GP6: variants seen among roughly 807,000 people sequenced by gnomAD.
GP6 encodes platelet glycoprotein VI.
In GP6, 45 loss-of-function variants were observed where a neutral mutation model predicts 37.3. The observed-to-expected ratio is 1.21, with a 90% CI of 0.95 to 1.55. The LOEUF (loss-of-function observed/expected upper bound fraction) is 1.55, where lower values mean the gene tolerates loss of function less well. Among genes scored for constraint, GP6 ranks in the 40% most tolerant of loss-of-function variants. The pLI, the probability that GP6 is intolerant of heterozygous loss-of-function variation, is 0.00. For synonymous variants in GP6, 340 were observed against 316.4 expected, an observed-to-expected ratio of 1.07 and a Z score of -0.79; for missense variants, 813 against 760.2, an observed-to-expected ratio of 1.07 and a Z score of -0.82.
rs369642453 is a variant in GP6, at chr19:55,032,514, G to T, written c.59C>A (p.Ala20Glu). The change falls in exon 2 of 8, where the codon GCG becomes GAG. Residue 20 changes from alanine to glutamate, a missense_variant. Physicochemically the swap from Ala to Glu is moderately radical, Grantham distance 107. Coordinates refer to ENST00000310373, the MANE Select transcript of GP6 (RefSeq NM_001083899.2). ...TCTGGGGAAGGACTCACCACTCTGC[G>T]CTGGCACACGCCCCAGACACAGCCC... The T allele has an allele frequency of 6.2e-7, 1 of 1,613,878 alleles. No homozygotes were observed. The highest frequency in any genetic ancestry group is 2.2e-5 in the East Asian group (1 of 44,882).
chr19:55,030,590 A>G (rs1405935783), intron 3 of GP6, among the ~76,000 whole-genome samples: 1 of 151,094 alleles, frequency 6.6e-6, no homozygotes, highest in Non-Finnish European at 1.5e-5. Flanking sequence ...TGATCCACCC[A>G]CCTCAGCCTC....
chr19:55,019,391 C>T (rs2073994672), intron 5 of GP6, among the ~76,000 whole-genome samples: 1 of 152,010 alleles, frequency 6.6e-6, no homozygotes, highest in Admixed American at 6.6e-5. Context: ...TTACAGGCTG[C>T]GCCTGGCCAC....
intron 1 of GP6, among the ~76,000 whole-genome samples, chr19:55,033,302 CGTGTT>C (rs1306660648): frequency 1.2e-5 from 1 of 85,172 alleles, no homozygotes; most frequent in Non-Finnish European, 2.2e-5. Context: ...TGGACTCGTT[CGTGTT>C]GTGTTAGACA....
intron 6 of GP6, among the ~76,000 whole-genome samples, chr19:55,017,070 T>C (rs2073903154): frequency 6.6e-6 from 1 of 151,370 alleles, no homozygotes; most frequent in Admixed American, 6.6e-5. Flanking sequence ...CATAAGACAT[T>C]GTCCATCTGC....
intron 4 of GP6, among the ~76,000 whole-genome samples, chr19:55,026,000 C>CAA (rs869194721): frequency 2.4e-3 from 42 of 17,804 alleles, no homozygotes; most frequent in East Asian, 5.6e-3. Context: ...AGACTCCCCC[C>CAA]AAAAAAAAAA....
At chr19:55,017,252 A>G (rs2073911361) in intron 6 of GP6, among the ~76,000 whole-genome samples, 1 of 151,776 alleles carries the variant, frequency 6.6e-6, no homozygotes, top group South Asian at 2.1e-4. Context: ...AAGTAGCTGG[A>G]ATTACAGGTG....
intron 3 of GP6, among the ~76,000 whole-genome samples, chr19:55,029,881 A>G (rs951016395): frequency 1.3e-5 from 2 of 151,878 alleles, no homozygotes; most frequent in Non-Finnish European, 2.9e-5. Flanking sequence ...GAGGCCAGTG[A>G]TGCTGTGGAG....
At chr19:55,017,479 C>G (rs1370165231) in intron 6 of GP6, among the ~76,000 whole-genome samples, 1 of 152,040 alleles carries the variant, frequency 6.6e-6, no homozygotes, top group Non-Finnish European at 1.5e-5. Flanking sequence ...ATCGATCCAG[C>G]CTGGACGGTC....
intron 1 of GP6, among the ~76,000 whole-genome samples, chr19:55,033,409 G>GGGCTCGTTCGTGTTGTGTTAGACACGGTT (rs2074684743): frequency 1.4e-4 from 18 of 126,238 alleles, no homozygotes; most frequent in East Asian, 4.8e-4. Flanking sequence ...TAGACACGGT[G>GGGCTCGTTCGTGTTGTGTTAGACACGGTT]GGCTCGTTCG....
At chr19:55,024,291 T>TGCACGCACGCACACACACAC (rs879694712) in intron 5 of GP6, among the ~76,000 whole-genome samples, 2 of 113,350 alleles carry the variant, frequency 1.8e-5, no homozygotes, top group Non-Finnish European at 4.0e-5. Flanking sequence ...CACACACATA[T>TGCACGCACGCACACACACAC]GCACGCATGC....
intron 1 of GP6, among the ~76,000 whole-genome samples, chr19:55,033,283 TAGACACG>T (rs2074672832): frequency 1.0e-5 from 1 of 99,816 alleles, no homozygotes; most frequent in Non-Finnish European, 2.1e-5. Flanking sequence ...TCGTTCGTGT[TAGACACG>T]GTGGACTCGT....
At position 55,035,485 on chromosome 19, in the gene GP6, G is replaced by A. The variant is rs543776477; in HGVS notation, c.34+2718C>T. ...CTGTAATCCCATTTTGGGAGGCCAA[G>A]GTGGGCGGATCACCTGAAGTCAGGA... is the stretch of plus-strand genomic sequence containing the variant. On this transcript the variant is annotated intron_variant, in intron 1 of 7. Transcript: ENST00000310373. Among the ~76,000 whole-genome samples the A allele has an allele frequency of 1.2e-3, 183 of 152,340 alleles. 1 individual carries two copies. The highest frequency in any genetic ancestry group is 4.3e-3 in the African/African-American group (178 of 41,580).
chr19:55,023,865 A>G (rs1322105030), intron 5 of GP6, among the ~76,000 whole-genome samples: 1 of 152,190 alleles, frequency 6.6e-6, no homozygotes, highest in African/African-American at 2.4e-5. Flanking sequence ...GATCCCATTT[A>G]CATCAGATTC....
rs1415721288 is a variant in GP6 at position 55,027,904 on chromosome 19, C to A, written c.326-42G>T. On this transcript the variant is annotated intron_variant, in intron 3 of 7. Transcript: ENST00000310373. Reference sequence around the variant, plus strand: ...GTCTGATGTTGAAGGCAGGAGCCAGCATCTCAGCTGAGACTGGGGAGGTCC... The same window carrying A: ...GTCTGATGTTGAAGGCAGGAGCCAGAATCTCAGCTGAGACTGGGGAGGTCC... 1.9e-6 allele frequency: 3 copies of A among 1,604,142 alleles called. No individual in the cohort carries two copies. In the East Asian group the frequency reaches 6.7e-5, roughly 36 times the overall value.
chr19:55,014,575 A>AT lies in GP6; in HGVS notation c.1369_1370insA (p.Phe457TyrfsTer7), dbSNP rs1264284987. On this transcript the variant is annotated frameshift_variant, in exon 8 of 8. Coordinates refer to ENST00000310373, the MANE Select transcript of GP6 (RefSeq NM_001083899.2). LOFTEE classifies it low-confidence loss of function (END_TRUNC). The stretch of plus-strand genomic sequence containing the variant: ...AACAGAGTCAACCCTGAGAGCTGGG[A>AT]ACCTTAGAGATCCGTCTGGAGCCCA... 1 of 1,613,412 alleles carries AT rather than the reference A, an allele frequency of 6.2e-7. No individual in the cohort carries two copies. Among genetic ancestry groups the AT allele is most frequent in the East Asian group, 2.2e-5 (1 of 44,868 alleles).
rs1169741868 is a variant in GP6 at position 55,029,489 on chromosome 19, C to G, written c.326-1627G>C. 2.1e-5 allele frequency among the ~76,000 whole-genome samples: 3 copies of G among 142,400 alleles called. No individual in the cohort carries two copies. The East Asian group carries it at 6.5e-4, about 31-fold the overall frequency. 93.4% of individuals were successfully genotyped at this position (142,400 alleles called of 152,430 possible). On this transcript the variant is annotated intron_variant, in intron 3 of 7. Coordinates refer to ENST00000310373, the MANE Select transcript of GP6 (RefSeq NM_001083899.2). ...CACTGCAACCTCCACCTCCTGGGTT[C>G]AAGCGATTCTCCTGCCTCAGCCTCC...
rs1244593779 is a variant in GP6 at position 55,013,786 on chromosome 19, G to A, written c.*296C>T. On this transcript the variant is annotated 3_prime_UTR_variant, in exon 8 of 8. Transcript: ENST00000310373. ...GCCCAGGCTGGTCTTGAACTCCTGG[G>A]CTCAAGCGATCCTCCTGCCTTGGCC... 2 of 286,858 alleles carry A rather than the reference G, an allele frequency of 7.0e-6. No homozygotes were observed. Among genetic ancestry groups the A allele is most frequent in the South Asian group, 3.5e-5 (1 of 28,498 alleles). 17.8% of individuals were successfully genotyped at this position (286,858 alleles called of 1,614,324 possible).
chr19:55,029,026 G>A (rs940379889), intron 3 of GP6, among the ~76,000 whole-genome samples: 9 of 151,192 alleles, frequency 6.0e-5, no homozygotes, highest in Non-Finnish European at 1.0e-4. Context: ...GCAAAAGAAA[G>A]GAAGTAAGGA....
In GP6 at chr19:55,014,811, C is replaced by A; in HGVS notation, c.1134G>T (p.Leu378=). Residue 378 remains leucine (L), a synonymous_variant, in exon 8 of 8, where the codon CTG becomes CTT. Transcript: ENST00000310373. ...AGGAGGCAGCATGGCCTCGTTTCCACAGCTGTAGCCTCTGCCCTCCTGCTT... is the reference window on the plus strand; with the variant it reads ...AGGAGGCAGCATGGCCTCGTTTCCAAAGCTGTAGCCTCTGCCCTCCTGCTT... The A allele has an allele frequency of 6.2e-7, 1 of 1,614,012 alleles. No homozygotes were observed. Among genetic ancestry groups the A allele is most frequent in the Non-Finnish European group, 8.5e-7 (1 of 1,179,956 alleles).
Sources: gnomAD v4.1 joint callset for allele counts (sites outside exome capture counted in the v4.1 genomes callset) on GRCh38, gnomAD v4.1.1 for gene constraint, MANE v1.5 for transcripts, NCBI Gene and HGNC (gene_info 2026-07-23, HGNC 2026-07-21) for gene names.